EML6: variants seen among roughly 807,000 people sequenced by gnomAD.
EML6 encodes EMAP like 6, also known as echinoderm microtubule-associated protein-like 6.
A neutral mutation model predicts 240.1 loss-of-function variants in EML6; 154 were observed. The ratio of observed to expected loss-of-function variants is 0.64; its 90% CI spans 0.56 to 0.73. The LOEUF is 0.73. EML6 is among the 30% of genes least tolerant of loss of function. The pLI, the probability that EML6 is intolerant of heterozygous loss-of-function variation, is 0.00. For synonymous variants in EML6, 1,148 were observed against 899.0 expected (o/e 1.28, Z -4.95); for missense variants, 2,964 against 2,474.6 (o/e 1.20, Z -4.20).
intron 26 of EML6, among the ~76,000 whole-genome samples, chr2:54,917,910 A>G (rs1674013086): frequency 6.6e-6 from 1 of 152,200 alleles, no homozygotes; most frequent in Non-Finnish European, 1.5e-5. Context: ...TCAGTGTTCC[A>G]GTTGTAATCT....
intron 12 of EML6, 70 bp from the exon 13 acceptor site, chr2:54,863,713 A>G (rs1048008703): frequency 2.4e-5 from 18 of 759,134 alleles, no homozygotes; most frequent in Non-Finnish European, 4.0e-5. Context: ...AAGGAAAAAT[A>G]TTTTAGATAA....
chr2:54,852,814 T>C (rs546617658), intron 10 of EML6, among the ~76,000 whole-genome samples: 1 of 152,344 alleles, frequency 6.6e-6, no homozygotes, highest in East Asian at 1.9e-4. Context: ...GGTAATATGC[T>C]TAAATGTCTT....
chr2:54,911,296 A>G (rs1170850141), intron 25 of EML6, among the ~76,000 whole-genome samples: 4 of 152,238 alleles, frequency 2.6e-5, no homozygotes, highest in African/African-American at 7.2e-5. Flanking sequence ...TGAATAAGCT[A>G]GCAATTTGGA....
At chr2:54,864,614 A>G (rs1337808760) in intron 13 of EML6, among the ~76,000 whole-genome samples, 1 of 152,230 alleles carries the variant, frequency 6.6e-6, no homozygotes, top group East Asian at 1.9e-4. Context: ...ATGTGGAATG[A>G]ATAAGACTTC....
rs746126282 is a variant in EML6, at chr2:54,844,239, G to A, written c.1040G>A (p.Arg347His). ...CTGGCTGTGACAGGCAGCGATGACC[G>A]CTCTGTCAGGTGAGGCCCTACCGCC... The part of the protein sequence containing the change: ...KPLAVTGSDD[R>H]SVRLWSLADH... Residue 347 changes from arginine (R) to histidine (H), a missense_variant, in exon 8 of 42, where the codon CGC (arginine) becomes CAC (histidine). Arg to His is a conservative substitution (Grantham distance 29). Transcript: ENST00000356458. 38 of 1,551,120 alleles carry A rather than the reference G, an allele frequency of 2.4e-5. 1 individual carries two copies. The South Asian group carries it at 2.7e-4, about 11-fold the overall frequency.
intron 25 of EML6, among the ~76,000 whole-genome samples, chr2:54,915,200 C>T (rs1432871642): frequency 6.6e-6 from 1 of 152,280 alleles, no homozygotes; most frequent in East Asian, 1.9e-4. Context: ...CCAGCAAGTT[C>T]GACATTTGCT....
intron 7 of EML6, among the ~76,000 whole-genome samples, chr2:54,833,031 A>T (rs561720310): frequency 1.3e-4 from 20 of 152,266 alleles, no homozygotes; most frequent in African/African-American, 4.3e-4. Context: ...GCGATTTCTC[A>T]TCTTACTCAA....
intron 7 of EML6, among the ~76,000 whole-genome samples, chr2:54,836,616 A>C (rs1014079075): frequency 1.3e-5 from 2 of 151,968 alleles, no homozygotes; most frequent in African/African-American, 2.4e-5. Flanking sequence ...CACTCTACAC[A>C]CAGGATCCCA....
intron 9 of EML6, among the ~76,000 whole-genome samples, chr2:54,849,724 G>A (rs1416934258): frequency 8.5e-5 from 13 of 152,326 alleles, no homozygotes; most frequent in South Asian, 6.2e-4. Flanking sequence ...TCCTGACCTC[G>A]TGATCCGTCT....
intron 28 of EML6, among the ~76,000 whole-genome samples, chr2:54,932,881 G>A (rs1374720844): frequency 1.3e-5 from 2 of 152,110 alleles, no homozygotes; most frequent in Non-Finnish European, 2.9e-5. Context: ...CTTACATACT[G>A]TTTTTTGATT....
chr2:54,734,258 A>T (rs1391935915), intron 2 of EML6, among the ~76,000 whole-genome samples: 1 of 152,216 alleles, frequency 6.6e-6, no homozygotes, highest in African/African-American at 2.4e-5. Context: ...GAATCGTTTG[A>T]ACCCAGGAAA....
intron 28 of EML6, among the ~76,000 whole-genome samples, chr2:54,933,391 C>T (rs1160576860): frequency 6.6e-6 from 1 of 152,134 alleles, no homozygotes; most frequent in Non-Finnish European, 1.5e-5. Context: ...TATTACAGTT[C>T]ACCCTTTTCT....
chr2:54,843,952 T>G (rs1572988663), intron 7 of EML6, 95 bp from the exon 8 acceptor site: 4 of 900,120 alleles, frequency 4.4e-6, no homozygotes, highest in Non-Finnish European at 6.8e-6. Context: ...AAAGGGCATT[T>G]ACTTTAGGGT....
intron 28 of EML6, among the ~76,000 whole-genome samples, chr2:54,937,691 T>C (rs567022559): frequency 1.1e-3 from 175 of 152,304 alleles, no homozygotes; most frequent in Non-Finnish European, 1.9e-3. Context: ...TTTATAGTTT[T>C]AGTCACTGAT....
chr2:54,895,818 C>A (rs1385383774), intron 21 of EML6, among the ~76,000 whole-genome samples: 1 of 152,134 alleles, frequency 6.6e-6, no homozygotes, highest in Non-Finnish European at 1.5e-5. Flanking sequence ...CCATTTTCAG[C>A]TCCCAGAGGC....
chr2:54,871,770 G>A (rs182804371), intron 16 of EML6, among the ~76,000 whole-genome samples, 165 bp downstream of exon 16: 8 of 152,334 alleles, frequency 5.3e-5, no homozygotes, highest in East Asian at 3.9e-4. Flanking sequence ...CCAGCTACCC[G>A]CTCTTATACT....
intron 26 of EML6, 50 bp downstream of exon 26, chr2:54,916,985 T>C (rs908877428): frequency 2.2e-6 from 3 of 1,360,322 alleles, no homozygotes; most frequent in Non-Finnish European, 3.0e-6. Flanking sequence ...CTTAATAACC[T>C]TAAATATTGT....
intron 14 of EML6, chr2:54,867,224 C>T (rs1241807980): frequency 5.7e-6 from 1 of 175,002 alleles, no homozygotes; most frequent in African/African-American, 2.4e-5. Flanking sequence ...TAATCCCCTG[C>T]TGTGTTTTGC....
chr2:54,939,680 C>G (rs1161071733), intron 28 of EML6, among the ~76,000 whole-genome samples: 1 of 152,222 alleles, frequency 6.6e-6, no homozygotes, highest in East Asian at 1.9e-4. Flanking sequence ...GGGTTCTGCT[C>G]TGTCTCTCTT....
Sources: gnomAD v4.1 joint callset for allele counts (sites outside exome capture counted in the v4.1 genomes callset) on GRCh38, gnomAD v4.1.1 for gene constraint, MANE v1.5 for transcripts, NCBI Gene and HGNC (gene_info 2026-07-23, HGNC 2026-07-21) for gene names.